ERC2: variants seen among roughly 807,000 people sequenced by gnomAD.
ERC2 encodes the protein ERC protein 2.
A neutral mutation model predicts 114.8 loss-of-function variants in ERC2; 42 were observed. The observed-to-expected ratio is 0.37, with a 90% CI of 0.29 to 0.47. The LOEUF is 0.47. Ranked by LOEUF, ERC2 falls within the 20% of genes least tolerant of loss-of-function variation. The probability of loss-of-function intolerance (pLI) is 0.99; values close to 1 mark genes in which losing one functional copy is unlikely to be tolerated. For synonymous variants in ERC2, 454 were observed against 425.5 expected (o/e 1.07, Z -0.82); for missense variants, 939 against 1,150.7 (o/e 0.82, Z 2.66).
intron 17 of ERC2, among the ~76,000 whole-genome samples, chr3:55,550,685 A>C (rs2055105051): frequency 1.3e-5 from 2 of 152,182 alleles, no homozygotes; most frequent in Non-Finnish European, 2.9e-5. Flanking sequence ...ATTTGACTAC[A>C]GGTCTGCCCG....
Position 55,708,197 on chromosome 3 carries a change from T to A in ERC2, c.2713-8685A>T, listed in dbSNP as rs1021827650. On this transcript the variant is annotated intron_variant, in intron 15 of 17. Transcript: ENST00000288221. ...CCAAAGAAGTCCATGTTACTGACCA[T>A]CCCCTAATATAAATTCAAAAGTCAT... is the stretch of plus-strand genomic sequence containing the variant. 2.6e-5 allele frequency among the ~76,000 whole-genome samples: 4 copies of A among 152,294 alleles called. No individual in the cohort carries two copies. In the South Asian group the frequency reaches 8.3e-4, roughly 32 times the overall value.
chr3:56,044,154 C>T (rs2075342518), intron 7 of ERC2, among the ~76,000 whole-genome samples: 1 of 152,148 alleles, frequency 6.6e-6, no homozygotes, highest in African/African-American at 2.4e-5. Flanking sequence ...AGAACAGCAT[C>T]AAAGAAAACA....
rs932851804 is a variant in ERC2, at chr3:55,685,234, G to T, written c.2848-1375C>A. On this transcript the variant is annotated intron_variant, in intron 16 of 17. Transcript: ENST00000288221. ...CCAAAGGGATCCACGGCCCACGAAG[G>T]TTACAAATCCCTGACTGACTTGAGT... is the stretch of plus-strand genomic sequence containing the variant. Among the ~76,000 whole-genome samples, 4 of 152,156 alleles carry T rather than the reference G, an allele frequency of 2.6e-5. No individual in the cohort carries two copies. In the East Asian group the frequency reaches 7.7e-4, roughly 29 times the overall value.
intron 14 of ERC2, among the ~76,000 whole-genome samples, chr3:55,827,725 A>G (rs544946303): frequency 6.6e-6 from 1 of 152,324 alleles, no homozygotes; most frequent in Non-Finnish European, 1.5e-5. Context: ...TACCTTTCCC[A>G]TGGTACCTGG....
intron 17 of ERC2, among the ~76,000 whole-genome samples, chr3:55,572,335 A>C (rs1325908741): frequency 6.6e-6 from 1 of 152,124 alleles, no homozygotes; most frequent in African/African-American, 2.4e-5. Flanking sequence ...AGGCACAGGA[A>C]CCCAAGGGTG....
rs1280579865 is a variant in ERC2 at position 56,296,405 on chromosome 3, C to T, written c.688G>A (p.Asp230Asn). 2 of 1,613,804 alleles carry T rather than the reference C, an allele frequency of 1.2e-6. No homozygotes were observed. The highest frequency in any genetic ancestry group is 1.7e-6 in the Non-Finnish European group (2 of 1,179,780). ...HLQLTIQALQ[D>N]ELRTQRDLNH... ...AGGTCTCTCTGGGTTCGCAGCTCAT[C>T]TTGAAGGGCCTGGATTGTCAACTGT... Residue 230 changes from aspartate to asparagine, a missense_variant, in exon 3 of 18, where the codon GAT (aspartate) becomes AAT (asparagine). Physicochemically the swap from Asp to Asn is conservative, Grantham distance 23 (BLOSUM62 1). Around this residue, in one of 5 missense-constraint regions of ERC2, gnomAD observed 281 missense variants for 307.4 expected, o/e 0.91. Coordinates refer to ENST00000288221, the MANE Select transcript of ERC2 (RefSeq NM_015576.3).
rs2067608452 is a variant in ERC2 at position 55,952,179 on chromosome 3, A to ATATATATATAT, written c.2268-1620_2268-1619insATATATATATA. ...CACACACACACACACACACACACAC[A>ATATATATATAT]CTCTCTCTCTCTCTCTCTCTATATA... is the stretch of plus-strand genomic sequence containing the variant. On this transcript the variant is annotated intron_variant, in intron 12 of 17. Coordinates refer to ENST00000288221, the MANE Select transcript of ERC2 (RefSeq NM_015576.3). 8.1e-5 allele frequency among the ~76,000 whole-genome samples: 5 copies of ATATATATATAT among 62,108 alleles called. No homozygotes were observed. In the East Asian group the frequency reaches 2.1e-3, roughly 26 times the overall value. 40.7% of individuals were successfully genotyped at this position (62,108 alleles called of 152,430 possible).
intron 13 of ERC2, among the ~76,000 whole-genome samples, chr3:55,941,581 C>T (rs2066799175): frequency 6.6e-6 from 1 of 152,178 alleles, no homozygotes; most frequent in African/African-American, 2.4e-5. Flanking sequence ...GCATGTTCAT[C>T]TCAGAGTCTC....
intron 14 of ERC2, among the ~76,000 whole-genome samples, chr3:55,753,706 G>A (rs1236727773): frequency 6.6e-6 from 1 of 152,214 alleles, no homozygotes; most frequent in Non-Finnish European, 1.5e-5. Flanking sequence ...ATCTGGAGGA[G>A]GCACAAAAGA....
At chr3:56,069,493 G>C (rs917295963) in intron 7 of ERC2, among the ~76,000 whole-genome samples, 23 of 152,102 alleles carry the variant, frequency 1.5e-4, no homozygotes, top group Non-Finnish European at 3.2e-4. Context: ...GTCTCTGCCT[G>C]GGGTATTACA....
At chr3:55,558,384 C>A (rs569205286) in intron 17 of ERC2, among the ~76,000 whole-genome samples, 1 of 152,162 alleles carries the variant, frequency 6.6e-6, no homozygotes, top group Non-Finnish European at 1.5e-5. Context: ...TTTGCAGAAA[C>A]CCTGACCTCA....
At chr3:55,761,120 C>T (rs1009301979) in intron 14 of ERC2, among the ~76,000 whole-genome samples, 14 of 152,086 alleles carry the variant, frequency 9.2e-5, no homozygotes, top group East Asian at 1.9e-4. Context: ...ATAATACAAA[C>T]GAAAGGAGAG....
At chr3:55,917,922 T>C (rs1303589040) in intron 13 of ERC2, among the ~76,000 whole-genome samples, 2 of 152,082 alleles carry the variant, frequency 1.3e-5, no homozygotes, top group East Asian at 3.9e-4. Context: ...TATCTGCTAA[T>C]TGAGAGTTGC....
At chr3:55,920,908 G>A (rs2065389220) in intron 13 of ERC2, among the ~76,000 whole-genome samples, 2 of 152,086 alleles carry the variant, frequency 1.3e-5, no homozygotes, top group Admixed American at 1.3e-4. Flanking sequence ...GAGGGGCAGA[G>A]TGAGTGACAT....
intron 17 of ERC2, among the ~76,000 whole-genome samples, chr3:55,640,942 T>C (rs1273935277): frequency 6.6e-6 from 1 of 152,212 alleles, no homozygotes; most frequent in Non-Finnish European, 1.5e-5. Context: ...TAAAATAACT[T>C]ATTTCTTAGC....
rs970704712 is a variant in ERC2, at chr3:55,878,927, T to C, written c.2564+9462A>G. 4.6e-5 allele frequency among the ~76,000 whole-genome samples: 7 copies of C among 152,314 alleles called. No homozygotes were observed. In the East Asian group the frequency reaches 1.3e-3, roughly 29 times the overall value. ...TTAATTATTTCTCTATAATGAGCTA[T>C]GAAACACATCCCTGCTTGGCTCATA... On this transcript the variant is annotated intron_variant, in intron 14 of 17. Coordinates refer to ENST00000288221, the MANE Select transcript of ERC2 (RefSeq NM_015576.3).
intron 12 of ERC2, among the ~76,000 whole-genome samples, chr3:55,967,129 G>A (rs1019534463): frequency 2.0e-5 from 3 of 152,174 alleles, no homozygotes; most frequent in African/African-American, 7.2e-5. Context: ...CGTTATCAGT[G>A]AATAGCTGAG....
chr3:56,021,970 C>T (rs559498939), intron 7 of ERC2, among the ~76,000 whole-genome samples: 68 of 152,292 alleles, frequency 4.5e-4, no homozygotes, highest in African/African-American at 1.6e-3. Context: ...TCCAGTCTGT[C>T]ATTAATGGGC....
intron 3 of ERC2, among the ~76,000 whole-genome samples, chr3:56,192,110 C>T (rs556311219): frequency 1.3e-5 from 2 of 152,194 alleles, no homozygotes; most frequent in African/African-American, 4.8e-5. Context: ...ATTCAATCTC[C>T]AGCCTTTCCT....
Sources: gnomAD v4.1 joint callset for allele counts (sites outside exome capture counted in the v4.1 genomes callset) on GRCh38, gnomAD v4.1.1 for gene constraint, gnomAD v4.1.1 regional missense constraint, MANE v1.5 for transcripts, NCBI Gene and HGNC (gene_info 2026-07-23, HGNC 2026-07-21) for gene names.